The following LIN28B variants were observed in gnomAD, a reference collection of about 807,000 sequenced individuals.
LIN28B encodes the protein lin-28 RNA binding posttranscriptional regulator B.
Under a neutral mutation model 21.9 loss-of-function variants are expected in LIN28B, and 5 were observed. The ratio of observed to expected loss-of-function variants is 0.23; its 90% CI spans 0.12 to 0.48. The LOEUF (loss-of-function observed/expected upper bound fraction) is 0.48, where lower values mean the gene tolerates loss of function less well. Among genes scored for constraint, LIN28B ranks in the 20% least tolerant of loss-of-function variants. The pLI is 0.98. For missense variants in LIN28B, 245 were observed against 310.5 expected (o/e 0.79, Z 1.58); for synonymous variants, 109 against 111.3 (o/e 0.98, Z 0.13).
In LIN28B at chr6:105,078,587, C is replaced by T. The variant is rs1582937152; in HGVS notation, c.557C>T (p.Pro186Leu). Residue 186 changes from proline to leucine, a missense_variant, in exon 4 of 4, where the codon CCA becomes CTA. By Grantham distance (98) the Pro-to-Leu change is moderately conservative (BLOSUM62 -3). Transcript: ENST00000345080. ...GGAAGACAGGAAGCAGAATCCCAGC[C>T]ATGCACTTCAACTCTCCCTCGAGAA... ...SQGRQEAESQ[P>L]CTSTLPREVG... The T allele has an allele frequency of 1.9e-6, 3 of 1,614,124 alleles. No individual in the cohort carries two copies. In the East Asian group the frequency reaches 6.7e-5, roughly 36 times the overall value.
intron 2 of LIN28B, among the ~76,000 whole-genome samples, chr6:105,008,159 G>A (rs1229319462): frequency 1.3e-5 from 2 of 152,154 alleles, no homozygotes; most frequent in African/African-American, 4.8e-5. Context: ...ATTCAATATA[G>A]TAGGTTATTT....
intron 3 of LIN28B, among the ~76,000 whole-genome samples, chr6:105,050,529 G>A (rs974644781): frequency 6.8e-6 from 1 of 147,122 alleles, no homozygotes; most frequent in Non-Finnish European, 1.5e-5. Context: ...GTGAACCCGG[G>A]AAGCGGAGCT....
At chr6:105,071,329 A>C (rs1772329799) in intron 3 of LIN28B, among the ~76,000 whole-genome samples, 1 of 152,208 alleles carries the variant, frequency 6.6e-6, no homozygotes, top group Non-Finnish European at 1.5e-5. Flanking sequence ...GCATGTCAAT[A>C]CATATAAATT....
chr6:105,017,966 A>C (rs1378535238), intron 2 of LIN28B, among the ~76,000 whole-genome samples: 2 of 152,200 alleles, frequency 1.3e-5, no homozygotes, highest in African/African-American at 4.8e-5. Flanking sequence ...TAAAGTGCTT[A>C]AGATGTCAAT....
intron 3 of LIN28B, among the ~76,000 whole-genome samples, chr6:105,050,553 G>C (rs1292246781): frequency 7.5e-6 from 1 of 133,984 alleles, no homozygotes; most frequent in African/African-American, 2.8e-5. Context: ...AGTGAGCTGA[G>C]ATTGCGCCAC....
chr6:104,958,022 G>GC, intron 1 of LIN28B, 77 bp from the exon 2 acceptor site: 1 of 1,070,472 alleles, frequency 9.3e-7, no homozygotes, highest in Non-Finnish European at 1.3e-6. Context: ...CCCCAGGCAG[G>GC]CAATTTTTTT....
intron 3 of LIN28B, among the ~76,000 whole-genome samples, chr6:105,026,838 G>A (rs963947311): frequency 6.6e-6 from 1 of 151,942 alleles, no homozygotes; most frequent in African/African-American, 2.4e-5. Context: ...CTATTGTTTT[G>A]TCTGTTTTTG....
intron 3 of LIN28B, among the ~76,000 whole-genome samples, chr6:105,041,725 A>G (rs1771641801): frequency 6.6e-6 from 1 of 152,220 alleles, no homozygotes; most frequent in Admixed American, 6.5e-5. Flanking sequence ...TTTTTGGACC[A>G]GCATCAGCAT....
At chr6:104,990,078 G>T (rs1032893101) in intron 2 of LIN28B, among the ~76,000 whole-genome samples, 2 of 151,748 alleles carry the variant, frequency 1.3e-5, no homozygotes, top group African/African-American at 2.4e-5. Flanking sequence ...TTGGCTCATG[G>T]GCTATTTTGA....
intron 3 of LIN28B, among the ~76,000 whole-genome samples, chr6:105,048,566 T>C (rs1445030402): frequency 1.3e-5 from 2 of 152,194 alleles, no homozygotes; most frequent in Admixed American, 1.3e-4. Context: ...CTTTTTCTAT[T>C]GATTGGAATA....
At position 105,079,944 on chromosome 6, in the gene LIN28B, G is replaced by A. The variant is rs1426506781; in HGVS notation, c.*1161G>A. On this transcript the variant is annotated 3_prime_UTR_variant, in exon 4 of 4. Coordinates refer to ENST00000345080, the MANE Select transcript of LIN28B (RefSeq NM_001004317.4). Reference sequence around the variant, plus strand: ...TATGACCTGCAAATGATACGAAAAAGTGCAGCATTTAGTGGCAGTTAACAA... The same window carrying A: ...TATGACCTGCAAATGATACGAAAAAATGCAGCATTTAGTGGCAGTTAACAA... 2 of 152,184 alleles carry A rather than the reference G, an allele frequency of 1.3e-5. No individual in the cohort carries two copies. Among genetic ancestry groups the A allele is most frequent in the Non-Finnish European group, 2.9e-5 (2 of 68,044 alleles). 9.4% of individuals were successfully genotyped at this position (152,184 alleles called of 1,614,324 possible).
Position 104,941,505 on chromosome 6 carries a change from C to T in LIN28B, c.18+4389C>T, listed in dbSNP as rs563357408. 1,269 of 150,168 alleles carry T rather than the reference C, an allele frequency of 8.5e-3. 11 individuals are homozygous for T. Among genetic ancestry groups the T allele is most frequent in the Middle Eastern group, 0.014 (4 of 292 alleles). 9.3% of individuals were successfully genotyped at this position (150,168 alleles called of 1,614,324 possible). A position where few individuals can be genotyped will look rare whatever the true frequency, so the allele number is the denominator to read the frequency against. ...CGCGGGGGCGCAGGGCGCGAGGGTG[C>T]GGCGCAGGCTGGGGTCCCGGCGGCG... On this transcript the variant is annotated intron_variant, in intron 2 of 5. Transcript: ENST00000635857.
chr6:104,988,218 T>C (rs1040312886), intron 2 of LIN28B, among the ~76,000 whole-genome samples: 5 of 152,240 alleles, frequency 3.3e-5, no homozygotes, highest in Admixed American at 3.3e-4. Flanking sequence ...ATTATGGCAA[T>C]TCTCTTTCAT....
At chr6:104,937,300 G>A (rs1314312264) in intron 2 of LIN28B, among the ~76,000 whole-genome samples, 1 of 151,980 alleles carries the variant, frequency 6.6e-6, no homozygotes, top group African/African-American at 2.4e-5. Context: ...CGCCCAGCTA[G>A]TATTTTGTAG....
intron 3 of LIN28B, among the ~76,000 whole-genome samples, chr6:105,053,426 AACTT>A (rs1771952938): frequency 7.4e-6 from 1 of 135,982 alleles, no homozygotes; most frequent in Non-Finnish European, 1.6e-5. Context: ...CGTGCTCATA[AACTT>A]ACTTGTTACT....
chr6:105,072,013 T>TG (rs1772341987), intron 3 of LIN28B, among the ~76,000 whole-genome samples: 1 of 152,104 alleles, frequency 6.6e-6, no homozygotes, highest in Non-Finnish European at 1.5e-5. Flanking sequence ...GTTTTATAGA[T>TG]GGGATGCTCA....
intron 3 of LIN28B, among the ~76,000 whole-genome samples, chr6:105,030,237 A>G (rs1333443098): frequency 6.6e-6 from 1 of 152,198 alleles, no homozygotes; most frequent in African/African-American, 2.4e-5. Context: ...ATAGAAACTG[A>G]CACCATGAGA....
chr6:105,002,101 C>T (rs1168019896), intron 2 of LIN28B, among the ~76,000 whole-genome samples: 3 of 151,740 alleles, frequency 2.0e-5, no homozygotes, highest in Non-Finnish European at 4.4e-5. Flanking sequence ...GGAAAGATCC[C>T]CCGGGGCTTC....
At chr6:104,941,807 T>C (rs564932237) in intron 2 of LIN28B, among the ~76,000 whole-genome samples, 1 of 152,250 alleles carries the variant, frequency 6.6e-6, no homozygotes, top group East Asian at 1.9e-4. Flanking sequence ...GACTACTGAC[T>C]GGAACATTGG....
Sources: allele counts gnomAD v4.1 joint callset (sites outside exome capture counted in the v4.1 genomes callset), GRCh38; gene constraint gnomAD v4.1.1; transcripts MANE v1.5; gene names NCBI Gene and HGNC (gene_info 2026-07-23, HGNC 2026-07-21).